KIF13B: variants seen among roughly 807,000 people sequenced by gnomAD.
KIF13B encodes kinesin-like protein KIF13B.
In KIF13B, 127 loss-of-function variants were observed where a neutral mutation model predicts 222.0. The observed-to-expected ratio is 0.57, with a 90% confidence interval of 0.50 to 0.66. The LOEUF (loss-of-function observed/expected upper bound fraction) is 0.66, where lower values mean the gene tolerates loss of function less well. Ranked by LOEUF, KIF13B falls within the 30% of genes least tolerant of loss-of-function variation. The pLI, the probability that KIF13B is intolerant of heterozygous loss-of-function variation, is 0.00. For synonymous variants in KIF13B, 976 were observed against 919.0 expected (o/e 1.06, Z -1.12); for missense variants, 2,173 against 2,379.0 (o/e 0.91, Z 1.80).
intron 2 of KIF13B, among the ~76,000 whole-genome samples, chr8:29,230,439 T>TG (rs980383343): frequency 2.6e-5 from 4 of 152,140 alleles, no homozygotes; most frequent in African/African-American, 7.2e-5. Context: ...TACCAAGTTC[T>TG]GGGGGGCAAA....
intron 1 of KIF13B, among the ~76,000 whole-genome samples, chr8:29,249,386 C>T (rs186154567): frequency 1.4e-5 from 2 of 148,090 alleles, no homozygotes; most frequent in Admixed American, 6.8e-5. Flanking sequence ...GCCAAGATCA[C>T]GCCACTGCAC....
chr8:29,074,457 C>T (rs1205813728), intron 38 of KIF13B, among the ~76,000 whole-genome samples: 1 of 152,258 alleles, frequency 6.6e-6, no homozygotes, highest in Non-Finnish European at 1.5e-5. Flanking sequence ...GGATTATACC[C>T]TTGCCACTGA....
chr8:29,201,249 A>C (rs1813679679), intron 2 of KIF13B, among the ~76,000 whole-genome samples: 1 of 152,222 alleles, frequency 6.6e-6, no homozygotes, highest in Non-Finnish European at 1.5e-5. Flanking sequence ...GGAAACAACA[A>C]ACAATATGGC....
At chr8:29,075,449 G>T in intron 37 of KIF13B, 106 bp from the exon 38 acceptor site, 1 of 1,000,832 alleles carries the variant, frequency 1.0e-6, no homozygotes, top group Non-Finnish European at 1.5e-6. Context: ...GAGGGGAATC[G>T]GCCCATCAGG....
intron 1 of KIF13B, 52 bp downstream of exon 1, chr8:29,262,928 G>T: frequency 1.4e-6 from 2 of 1,467,452 alleles, no homozygotes; most frequent in Non-Finnish European, 1.8e-6. Context: ...GGAAGGGCGC[G>T]CCAGGCACCT....
At chr8:29,180,345 C>CA (rs1812660603) in intron 7 of KIF13B, 107 bp from the exon 8 acceptor site, 8 of 1,095,948 alleles carry the variant, frequency 7.3e-6, no homozygotes, top group Non-Finnish European at 9.6e-6. Flanking sequence ...TAGTCAACAA[C>CA]ATTTGGAGTT....
chr8:29,114,908 T>A (rs1461730900), intron 31 of KIF13B, among the ~76,000 whole-genome samples: 1 of 152,144 alleles, frequency 6.6e-6, no homozygotes, highest in Non-Finnish European at 1.5e-5. Flanking sequence ...CTCTTCAAAA[T>A]GCTCCTCATG....
chr8:29,129,915 C>T (rs957690884), intron 24 of KIF13B, among the ~76,000 whole-genome samples: 22 of 152,244 alleles, frequency 1.4e-4, no homozygotes, highest in African/African-American at 5.1e-4. Context: ...ACATAACAGG[C>T]GAAGGCAAGA....
chr8:29,116,233 T>C (rs1199953033), intron 31 of KIF13B, among the ~76,000 whole-genome samples: 2 of 152,154 alleles, frequency 1.3e-5, no homozygotes, highest in Non-Finnish European at 2.9e-5. Context: ...AAGCCAAATA[T>C]ACAAATCAAA....
intron 10 of KIF13B, among the ~76,000 whole-genome samples, chr8:29,170,659 T>G (rs1419107348): frequency 6.6e-6 from 1 of 152,134 alleles, no homozygotes; most frequent in Non-Finnish European, 1.5e-5. Context: ...AGTAAAGTCC[T>G]AGAGGCAAGA....
chr8:29,187,363 C>T (rs1370357944), intron 5 of KIF13B, among the ~76,000 whole-genome samples: 1 of 152,052 alleles, frequency 6.6e-6, no homozygotes, highest in African/African-American at 2.4e-5. Context: ...CCCCTTCTCT[C>T]CTAAAAATAC....
intron 19 of KIF13B, among the ~76,000 whole-genome samples, chr8:29,141,504 T>C (rs1264911897): frequency 1.3e-5 from 2 of 152,194 alleles, no homozygotes; most frequent in African/African-American, 2.4e-5. Flanking sequence ...GGAAAAATCA[T>C]TTTTACAAAA....
In KIF13B at chr8:29,071,055, T is replaced by C. The variant is rs1418173885; in HGVS notation, c.5219-289A>G. On this transcript the variant is annotated intron_variant, in intron 39 of 39. Coordinates refer to ENST00000524189, the MANE Select transcript of KIF13B (RefSeq NM_015254.4). This position sits in a 1 kb window ranked among gnomAD's most constrained non-coding sequence, Gnocchi z 4.9. ...GACAGGCCCTGGGGGCCCTGGGGAG[T>C]GCCTTGTGGAAGCATAGGTGCAGGC... Among the ~76,000 whole-genome samples, 1 of 151,770 alleles carries C rather than the reference T, an allele frequency of 6.6e-6. No individual in the cohort carries two copies. Among genetic ancestry groups the C allele is most frequent in the Non-Finnish European group, 1.5e-5 (1 of 67,932 alleles).
rs4994278 is a variant in KIF13B, at chr8:29,148,400, G to T, written c.1813+177C>A. ...TCATAAACATTTTTAACACTCTACC[G>T]TTTTTTTTTTTTTAAAGAGAGAACG... is the stretch of plus-strand genomic sequence containing the variant. On this transcript the variant is annotated intron_variant, in intron 16 of 39. Transcript: ENST00000524189. 0.2 allele frequency among the ~76,000 whole-genome samples: 29,825 copies of T among 146,012 alleles called. 3,159 individuals are homozygous for T. Among genetic ancestry groups the T allele is most frequent in the Admixed American group, 0.31 (4,509 of 14,754 alleles).
chr8:29,208,705 T>C (rs1020915210), intron 2 of KIF13B, among the ~76,000 whole-genome samples: 12 of 152,200 alleles, frequency 7.9e-5, no homozygotes, highest in African/African-American at 2.9e-4. Flanking sequence ...CATTGGCCCA[T>C]GAGGGTGGGA....
At chr8:29,252,031 A>G (rs1294215531) in intron 1 of KIF13B, among the ~76,000 whole-genome samples, 4 of 151,850 alleles carry the variant, frequency 2.6e-5, no homozygotes, top group Non-Finnish European at 4.4e-5. Context: ...GGAAAAAGGA[A>G]AAAGGGAAGG....
At chr8:29,155,415 A>G (rs1023760888) in intron 14 of KIF13B, among the ~76,000 whole-genome samples, 2 of 152,174 alleles carry the variant, frequency 1.3e-5, no homozygotes, top group African/African-American at 2.4e-5. Flanking sequence ...GGGGGGTTAT[A>G]AGGGATTTTC....
chr8:29,104,090 T>C (rs915107687), intron 35 of KIF13B, among the ~76,000 whole-genome samples: 147 of 152,188 alleles, frequency 9.7e-4, no homozygotes, highest in African/African-American at 3.4e-3. Flanking sequence ...GGCCCTGTCT[T>C]CATTCCTCCC....
At chr8:29,110,159 T>G (rs115037161) in intron 32 of KIF13B, 89 bp from the exon 33 acceptor site, 3 of 1,133,722 alleles carry the variant, frequency 2.6e-6, no homozygotes, top group Non-Finnish European at 3.7e-6. Flanking sequence ...ACAGAACGTA[T>G]TCCAAAATTC....
Sources: allele counts gnomAD v4.1 joint callset (sites outside exome capture counted in the v4.1 genomes callset), GRCh38; gene constraint gnomAD v4.1.1; non-coding constraint Gnocchi (gnomAD v3.1); transcripts MANE v1.5; gene names NCBI Gene and HGNC (gene_info 2026-07-23, HGNC 2026-07-21).